The following RFX3 variants were observed in gnomAD, a reference collection of about 807,000 sequenced individuals.
RFX3 encodes the protein regulatory factor X3, also known as transcription factor RFX3.
In RFX3, 14 loss-of-function variants were observed where a neutral mutation model predicts 98.6. The observed-to-expected ratio is 0.14, with a 90% CI of 0.09 to 0.22. The LOEUF is 0.22. RFX3 is among the 10% of genes least tolerant of loss of function. The pLI, the probability that RFX3 is intolerant of heterozygous loss-of-function variation, is 1.00. For synonymous variants in RFX3, 383 were observed against 328.4 expected (o/e 1.17, Z -1.80); for missense variants, 639 against 926.9 (o/e 0.69, Z 4.03).
intron 1 of RFX3, among the ~76,000 whole-genome samples, chr9:3,461,533 C>T (rs1417778552): frequency 6.6e-6 from 1 of 151,928 alleles, no homozygotes; most frequent in Non-Finnish European, 1.5e-5. Flanking sequence ...GGAATAGTTT[C>T]CTGCCACAAA....
chr9:3,431,284 C>T (rs1424829299), intron 1 of RFX3, among the ~76,000 whole-genome samples: 2 of 152,204 alleles, frequency 1.3e-5, no homozygotes, highest in East Asian at 3.9e-4. Flanking sequence ...CACCATGGGT[C>T]CCATATGAAG....
rs1840761344 is a variant in RFX3, at chr9:3,395,472, CTGT to C, written c.114_116del (p.Gln39del). On this transcript the variant is annotated inframe_deletion and splice_region_variant, in exon 2 of 17. Transcript: ENST00000617270. Reference sequence around the variant, plus strand: ...TTTTCTAAGAGCAGCAGCTCCTTACCTGTTGTTGTACTGGTACTTGCTGTACCA... The same window carrying C: ...TTTTCTAAGAGCAGCAGCTCCTTACCTGTTGTACTGGTACTTGCTGTACCA... 6.2e-7 allele frequency: 1 copy of C among 1,613,692 alleles called. No homozygotes were observed. Among genetic ancestry groups the C allele is most frequent in the Non-Finnish European group, 8.5e-7 (1 of 1,179,678 alleles).
intron 1 of RFX3, among the ~76,000 whole-genome samples, chr9:3,479,017 C>G (rs1849512351): frequency 6.6e-6 from 1 of 152,144 alleles, no homozygotes; most frequent in South Asian, 2.1e-4. Context: ...TAACTGTGCT[C>G]TGGGGATAGT....
At chr9:3,404,385 C>T in intron 1 of RFX3, among the ~76,000 whole-genome samples, 1 of 152,028 alleles carries the variant, frequency 6.6e-6, no homozygotes. Context: ...GGATACTTAA[C>T]AGAAAAATTA....
intron 4 of RFX3, among the ~76,000 whole-genome samples, chr9:3,309,764 T>C (rs553766577): frequency 6.6e-6 from 1 of 152,362 alleles, no homozygotes; most frequent in Non-Finnish European, 1.5e-5. Flanking sequence ...TTTCCTATTA[T>C]AAGGGAATGC....
At chr9:3,511,650 G>A (rs1439802957) in intron 1 of RFX3, among the ~76,000 whole-genome samples, 2 of 152,114 alleles carry the variant, frequency 1.3e-5, no homozygotes, top group Admixed American at 1.3e-4. Flanking sequence ...TGACTCAACT[G>A]TTTACTCAAA....
chr9:3,320,797 A>ATATG (rs1213976964), intron 4 of RFX3, among the ~76,000 whole-genome samples: 19 of 138,184 alleles, frequency 1.4e-4, no homozygotes, highest in Non-Finnish European at 2.1e-4. Context: ...ATATATATAT[A>ATATG]TATATATATA....
At position 3,277,174 on chromosome 9, in the gene RFX3, G is replaced by A. The variant is rs570003031; in HGVS notation, c.973+166C>T. 8.6e-5 allele frequency among the ~76,000 whole-genome samples: 13 copies of A among 152,008 alleles called. No individual in the cohort carries two copies. In the South Asian group the frequency reaches 1.0e-3, roughly 12 times the overall value. On this transcript the variant is annotated intron_variant, in intron 8 of 16. Transcript: ENST00000617270. ...TTTAAAAATAAGCTCTAATAAACAC[G>A]AAAGGCAGACATGAACTAGGACTGT...
intron 1 of RFX3, among the ~76,000 whole-genome samples, chr9:3,484,860 G>GAGTT (rs1354295424): frequency 6.6e-5 from 10 of 151,982 alleles, no homozygotes; most frequent in Non-Finnish European, 1.3e-4. Flanking sequence ...AAAAAGGAAG[G>GAGTT]CTCACTTGAG....
chr9:3,270,926 G>A (rs750334128), intron 10 of RFX3, 77 bp downstream of exon 10: 2 of 1,597,378 alleles, frequency 1.3e-6, no homozygotes, highest in South Asian at 1.1e-5. Flanking sequence ...TTCACAACTG[G>A]TATACATATC....
intron 4 of RFX3, chr9:3,324,193 A>C: frequency 4.2e-6 from 1 of 238,314 alleles, no homozygotes; most frequent in East Asian, 9.8e-5. Context: ...TTTTTAAAAA[A>C]TATTGAGGCT....
At chr9:3,360,514 A>C (rs528825201) in intron 2 of RFX3, among the ~76,000 whole-genome samples, 1 of 152,238 alleles carries the variant, frequency 6.6e-6, no homozygotes, top group Admixed American at 6.5e-5. Context: ...TGTCAACTGA[A>C]GGGAAAAAAA....
intron 4 of RFX3, among the ~76,000 whole-genome samples, chr9:3,315,551 C>T (rs1335645858): frequency 6.6e-6 from 1 of 151,720 alleles, no homozygotes; most frequent in African/African-American, 2.4e-5. Context: ...GATAGACACA[C>T]AAAAAAACCC....
At chr9:3,404,125 T>C (rs1841739855) in intron 1 of RFX3, among the ~76,000 whole-genome samples, 1 of 152,154 alleles carries the variant, frequency 6.6e-6, no homozygotes, top group African/African-American at 2.4e-5. Flanking sequence ...ATGTACAATA[T>C]CTTAAAGAAC....
chr9:3,275,360 A>G (rs1457601065), intron 9 of RFX3, 140 bp downstream of exon 9: 3 of 483,346 alleles, frequency 6.2e-6, no homozygotes, highest in Non-Finnish European at 1.1e-5. Context: ...AGAAAAATGA[A>G]TTTGTTAGTG....
chr9:3,323,060 C>T (rs1831492992), intron 4 of RFX3, among the ~76,000 whole-genome samples: 1 of 152,154 alleles, frequency 6.6e-6, no homozygotes, highest in Non-Finnish European at 1.5e-5. Context: ...ATGAAATTTA[C>T]TGCCACCAAT....
intron 3 of RFX3, among the ~76,000 whole-genome samples, chr9:3,333,113 T>G (rs1042278737): frequency 6.6e-6 from 1 of 152,200 alleles, no homozygotes; most frequent in Non-Finnish European, 1.5e-5. Context: ...GCTGGCACAC[T>G]AATCAGTCAG....
chr9:3,292,407 T>C lies in RFX3; in HGVS notation c.731+670A>G, dbSNP rs1586910129. ...AACCAGAAACAACTTCTTCACATTG[T>C]TTCAATTCAATTGAACTATACTATG... is the stretch of plus-strand genomic sequence containing the variant. On this transcript the variant is annotated intron_variant, in intron 6 of 16. Coordinates refer to ENST00000617270, the MANE Select transcript of RFX3 (RefSeq NM_001282116.2). 2.6e-5 allele frequency among the ~76,000 whole-genome samples: 4 copies of C among 152,284 alleles called. No individual in the cohort carries two copies. In the South Asian group the frequency reaches 6.2e-4, roughly 24 times the overall value.
At chr9:3,493,541 G>A (rs927151967) in intron 1 of RFX3, among the ~76,000 whole-genome samples, 14 of 151,228 alleles carry the variant, frequency 9.3e-5, no homozygotes, top group Admixed American at 2.0e-4. Context: ...AAAATTTTCC[G>A]GGCGTGGTGG....
Sources: gnomAD v4.1 joint callset for allele counts (sites outside exome capture counted in the v4.1 genomes callset) on GRCh38, gnomAD v4.1.1 for gene constraint, MANE v1.5 for transcripts, NCBI Gene and HGNC (gene_info 2026-07-23, HGNC 2026-07-21) for gene names.